Variants in TTC27 observed in about 807,000 individuals in gnomAD.
TTC27 encodes the protein tetratricopeptide repeat domain 27, also known as tetratricopeptide repeat protein 27.
TTC27 carries 79 observed loss-of-function variants against 115.9 expected under a neutral mutation model. The ratio of observed to expected loss-of-function variants is 0.68; its 90% CI spans 0.57 to 0.82. The LOEUF (loss-of-function observed/expected upper bound fraction) is 0.82, where lower values mean the gene tolerates loss of function less well. TTC27 is among the 40% of genes least tolerant of loss of function. The probability of loss-of-function intolerance (pLI) is 0.00; values close to 1 mark genes in which losing one functional copy is unlikely to be tolerated. For missense variants in TTC27, 1,054 were observed against 993.1 expected (o/e 1.06, Z -0.82); for synonymous variants, 401 against 356.0 (o/e 1.13, Z -1.42).
At chr2:32,675,138 A>G (rs1318589984) in intron 8 of TTC27, among the ~76,000 whole-genome samples, 1 of 152,156 alleles carries the variant, frequency 6.6e-6, no homozygotes, top group East Asian at 1.9e-4. Flanking sequence ...AAGCGTTGTT[A>G]TTTTTCTCAA....
At chr2:32,665,491 A>G (rs1383843029) in intron 6 of TTC27, among the ~76,000 whole-genome samples, 2 of 152,222 alleles carry the variant, frequency 1.3e-5, no homozygotes, top group Admixed American at 6.5e-5. Context: ...CTAGTTCTTC[A>G]TATTTTGTTT....
intron 16 of TTC27, among the ~76,000 whole-genome samples, chr2:32,798,057 G>T (rs1670769318): frequency 1.3e-5 from 2 of 150,398 alleles, no homozygotes; most frequent in Non-Finnish European, 3.0e-5. Context: ...CAAATCAAAT[G>T]AGATACCACC....
At chr2:32,783,851 A>G (rs3851311) in intron 15 of TTC27, among the ~76,000 whole-genome samples, 18,076 of 152,182 alleles carry the variant, frequency 0.12, 1,234 homozygotes, top group Middle Eastern at 0.24. Flanking sequence ...GGATGGATAT[A>G]TTTTCATTTT....
Position 32,719,650 on chromosome 2 carries a change from G to A in TTC27, c.1234-14178G>A, listed in dbSNP as rs1667860599. Among the ~76,000 whole-genome samples, 2 of 152,148 alleles carry A rather than the reference G, an allele frequency of 1.3e-5. 1 individual carries two copies. Among genetic ancestry groups the A allele is most frequent in the South Asian group, 4.1e-4 (2 of 4,830 alleles). On this transcript the variant is annotated intron_variant, in intron 10 of 19. Transcript: ENST00000317907. Reference sequence around the variant, plus strand: ...TTCTCAAAGGGGTGAGATTATGATTGCAAGAAAGAAGCTAACAGACACAGC... The same window carrying A: ...TTCTCAAAGGGGTGAGATTATGATTACAAGAAAGAAGCTAACAGACACAGC...
chr2:32,666,106 A>G (rs1184655293), intron 6 of TTC27, among the ~76,000 whole-genome samples: 4 of 152,136 alleles, frequency 2.6e-5, no homozygotes, highest in Non-Finnish European at 1.5e-5. Context: ...CTTTTCTTAA[A>G]GTGGTTTGAA....
At chr2:32,680,340 T>G (rs775469687) in intron 9 of TTC27, among the ~76,000 whole-genome samples, 1 of 152,228 alleles carries the variant, frequency 6.6e-6, no homozygotes, top group Non-Finnish European at 1.5e-5. Context: ...AAATAATATA[T>G]ACGGGTATTG....
chr2:32,774,431 T>TC (rs1669930707), intron 13 of TTC27, among the ~76,000 whole-genome samples: 1 of 152,144 alleles, frequency 6.6e-6, no homozygotes, highest in South Asian at 2.1e-4. Context: ...CACCTCAGCC[T>TC]CCCAAAGTGC....
intron 9 of TTC27, among the ~76,000 whole-genome samples, chr2:32,682,961 C>G (rs1177961984): frequency 1.4e-5 from 2 of 145,220 alleles, no homozygotes; most frequent in Non-Finnish European, 3.0e-5. Flanking sequence ...TCATGCCATT[C>G]TCCTGCCTCA....
intron 4 of TTC27, among the ~76,000 whole-genome samples, chr2:32,646,249 C>G (rs771462871): frequency 1.3e-5 from 2 of 150,646 alleles, no homozygotes; most frequent in African/African-American, 4.9e-5. Context: ...CAGATGGTCT[C>G]GATCTCCTGA....
intron 11 of TTC27, among the ~76,000 whole-genome samples, chr2:32,734,923 CTG>C (rs1668403013): frequency 6.6e-6 from 1 of 152,056 alleles, no homozygotes; most frequent in South Asian, 2.1e-4. Context: ...TTAAAAATAT[CTG>C]TTTTACACGT....
intron 4 of TTC27, among the ~76,000 whole-genome samples, chr2:32,642,125 G>A (rs1664674269): frequency 6.6e-6 from 1 of 152,070 alleles, no homozygotes. Flanking sequence ...CCAAAGTGCT[G>A]GGATTACAGG....
chr2:32,740,891 G>T (rs1342921488), intron 12 of TTC27, among the ~76,000 whole-genome samples: 1 of 152,120 alleles, frequency 6.6e-6, no homozygotes, highest in South Asian at 2.1e-4. Flanking sequence ...CTGACCTCAG[G>T]TGATCCGCCT....
chr2:32,784,307 G>T (rs1670279275), intron 15 of TTC27, among the ~76,000 whole-genome samples: 1 of 152,198 alleles, frequency 6.6e-6, no homozygotes, highest in South Asian at 2.1e-4. Context: ...CAAAGGTGGA[G>T]TTGTAAGGTC....
intron 16 of TTC27, among the ~76,000 whole-genome samples, chr2:32,788,775 C>T (rs1033971030): frequency 4.6e-5 from 7 of 152,124 alleles, no homozygotes; most frequent in Non-Finnish European, 1.0e-4. Context: ...ATATAAGGTA[C>T]CCAAATAGGT....
chr2:32,733,633 G>A (rs1668362763), intron 10 of TTC27, among the ~76,000 whole-genome samples, 195 bp from the exon 11 acceptor site: 1 of 152,184 alleles, frequency 6.6e-6, no homozygotes, highest in Non-Finnish European at 1.5e-5. Flanking sequence ...ACATGTTTAT[G>A]TAAATGTGGA....
chr2:32,780,564 C>T (rs750039122), intron 14 of TTC27, among the ~76,000 whole-genome samples: 4 of 152,064 alleles, frequency 2.6e-5, no homozygotes, highest in Non-Finnish European at 4.4e-5. Context: ...CTCAGCCTCC[C>T]GATTAGCTGG....
chr2:32,639,068 G>A (rs558200602), intron 3 of TTC27, among the ~76,000 whole-genome samples: 8 of 151,958 alleles, frequency 5.3e-5, no homozygotes, highest in East Asian at 1.9e-4. Flanking sequence ...TCCTGACCTC[G>A]TGATCCGCCC....
chr2:32,780,689 C>G (rs1670146001), intron 14 of TTC27, among the ~76,000 whole-genome samples: 1 of 152,154 alleles, frequency 6.6e-6, no homozygotes, highest in African/African-American at 2.4e-5. Flanking sequence ...ATCTACCTGC[C>G]TCAGCCTCCC....
chr2:32,703,064 A>G, intron 10 of TTC27, 144 bp downstream of exon 10: 1 of 654,014 alleles, frequency 1.5e-6, no homozygotes, highest in Non-Finnish European at 2.6e-6. Flanking sequence ...AAGTTCTATA[A>G]TTTAACTTCT....
Sources: allele counts gnomAD v4.1 joint callset (sites outside exome capture counted in the v4.1 genomes callset), GRCh38; gene constraint gnomAD v4.1.1; transcripts MANE v1.5; gene names NCBI Gene and HGNC (gene_info 2026-07-23, HGNC 2026-07-21).